Variants in EYS observed in about 807,000 individuals in gnomAD.
EYS encodes EGF-like photoreceptor maintenance factor.
EYS carries 250 observed loss-of-function variants against 282.1 expected under a neutral mutation model. The observed-to-expected ratio is 0.89, with a 90% CI of 0.80 to 0.98. EYS has a LOEUF of 0.98. EYS is among the 50% of genes least tolerant of loss of function. The pLI is 0.00. For synonymous variants in EYS, 1,355 were observed against 1,282.9 expected, an observed-to-expected ratio of 1.06 and a Z score of -1.20; for missense variants, 4,016 against 3,709.0, an observed-to-expected ratio of 1.08 and a Z score of -2.15.
chr6:65,317,051 CTA>C (rs1185460792), intron 11 of EYS, among the ~76,000 whole-genome samples: 15 of 152,122 alleles, frequency 9.9e-5, no homozygotes, highest in Non-Finnish European at 1.9e-4. Context: ...ATATTTATAA[CTA>C]TGATTTCTCT....
intron 11 of EYS, among the ~76,000 whole-genome samples, chr6:65,306,956 C>T (rs1206461667): frequency 1.5e-5 from 2 of 137,150 alleles, no homozygotes; most frequent in African/African-American, 2.7e-5. Flanking sequence ...CCTTTTTAAG[C>T]GTATTTTTAA....
At chr6:64,218,321 A>G (rs1018661306) in intron 31 of EYS, among the ~76,000 whole-genome samples, 8 of 151,900 alleles carry the variant, frequency 5.3e-5, no homozygotes, top group South Asian at 2.1e-4. Flanking sequence ...TCCCTTTGAG[A>G]TTTATTGTAT....
At chr6:65,011,128 G>T (rs1583394888) in intron 13 of EYS, among the ~76,000 whole-genome samples, 1 of 152,170 alleles carries the variant, frequency 6.6e-6, no homozygotes, top group African/African-American at 2.4e-5. Context: ...CCTCAGGATG[G>T]CTAGCCACTG....
At chr6:64,945,124 T>TAAAAA (rs763133866) in intron 15 of EYS, among the ~76,000 whole-genome samples, 2 of 112,284 alleles carry the variant, frequency 1.8e-5, no homozygotes, top group Non-Finnish European at 1.8e-5. Flanking sequence ...GTTTCTCTAT[T>TAAAAA]AAAAAAAAAA....
chr6:65,146,951 G>A (rs1764494431), intron 12 of EYS, among the ~76,000 whole-genome samples: 2 of 151,874 alleles, frequency 1.3e-5, no homozygotes, highest in African/African-American at 2.4e-5. Context: ...ATTATTTCAT[G>A]TGACTCATTG....
intron 24 of EYS, among the ~76,000 whole-genome samples, chr6:64,596,973 T>C (rs1466840196): frequency 6.6e-6 from 1 of 152,064 alleles, no homozygotes; most frequent in Non-Finnish European, 1.5e-5. Flanking sequence ...AACAGGGAAC[T>C]AATATTTAAA....
At chr6:65,511,362 T>A (rs1177435232) in intron 2 of EYS, among the ~76,000 whole-genome samples, 43 of 150,602 alleles carry the variant, frequency 2.9e-4, no homozygotes, top group African/African-American at 7.7e-4. Context: ...TGTGTGTGTG[T>A]GTGTGAGAGA....
At chr6:65,640,095 A>G (rs1401092158) in intron 1 of EYS, among the ~76,000 whole-genome samples, 1 of 152,184 alleles carries the variant, frequency 6.6e-6, no homozygotes, top group Non-Finnish European at 1.5e-5. Context: ...TGGGCAGTAT[A>G]CCTGTAACAA....
intron 12 of EYS, among the ~76,000 whole-genome samples, chr6:65,128,711 A>G (rs1775786000): frequency 6.6e-6 from 1 of 152,054 alleles, no homozygotes; most frequent in Non-Finnish European, 1.5e-5. Flanking sequence ...GATCAAAAGA[A>G]TCAATATTAC....
intron 36 of EYS, among the ~76,000 whole-genome samples, chr6:63,820,067 C>G (rs529250265): frequency 5.9e-5 from 9 of 152,188 alleles, no homozygotes; most frequent in Non-Finnish European, 1.0e-4. Flanking sequence ...CACATACTGT[C>G]AGATTGCATT....
chr6:64,611,576 T>C (rs987870249), intron 24 of EYS, among the ~76,000 whole-genome samples: 8 of 152,168 alleles, frequency 5.3e-5, no homozygotes, highest in Non-Finnish European at 1.0e-4. Flanking sequence ...AAACTGAAAC[T>C]AATTGATTTT....
At chr6:65,162,599 CTATTT>C (rs201145451) in intron 12 of EYS, among the ~76,000 whole-genome samples, 17 of 150,782 alleles carry the variant, frequency 1.1e-4, no homozygotes, top group African/African-American at 2.2e-4. Context: ...CACTTTATGG[CTATTT>C]TATTTTATTT....
At chr6:63,870,636 C>T (rs1247806002) in intron 35 of EYS, among the ~76,000 whole-genome samples, 1 of 152,118 alleles carries the variant, frequency 6.6e-6, no homozygotes, top group African/African-American at 2.4e-5. Context: ...GGTGTTCTTG[C>T]TTCTAAATAT....
intron 2 of EYS, among the ~76,000 whole-genome samples, chr6:65,635,533 C>A (rs1468866400): frequency 6.6e-6 from 1 of 152,014 alleles, no homozygotes; most frequent in Non-Finnish European, 1.5e-5. Flanking sequence ...AGGCTTGTAT[C>A]AAACTCCTGG....
chr6:64,702,879 A>G (rs1770838840), intron 22 of EYS, among the ~76,000 whole-genome samples: 1 of 152,130 alleles, frequency 6.6e-6, no homozygotes, highest in Non-Finnish European at 1.5e-5. Context: ...AGTGTAACAA[A>G]TTCTTAATGG....
At chr6:64,350,661 C>T (rs1260201981) in intron 29 of EYS, among the ~76,000 whole-genome samples, 1 of 151,536 alleles carries the variant, frequency 6.6e-6, no homozygotes, top group South Asian at 2.1e-4. Flanking sequence ...AAGGATTCAG[C>T]GTAAAGCTCT....
intron 35 of EYS, among the ~76,000 whole-genome samples, chr6:63,973,954 T>C (rs1766711296): frequency 7.5e-6 from 1 of 133,396 alleles, no homozygotes; most frequent in African/African-American, 2.8e-5. Flanking sequence ...TACCAGCAAA[T>C]GGGCCAGGAA....
At chr6:65,277,134 C>T (rs564634998) in intron 12 of EYS, among the ~76,000 whole-genome samples, 2 of 152,166 alleles carry the variant, frequency 1.3e-5, no homozygotes, top group South Asian at 4.1e-4. Context: ...GATTGGTGCC[C>T]TTACAAAAGG....
intron 22 of EYS, among the ~76,000 whole-genome samples, chr6:64,670,922 ATAAG>A (rs1554191357): frequency 3.8e-4 from 57 of 150,762 alleles, no homozygotes; most frequent in Non-Finnish European, 2.9e-5. Context: ...ATTCTAAATG[ATAAG>A]TAAAAGTGGA....
Sources: allele counts gnomAD v4.1 joint callset (sites outside exome capture counted in the v4.1 genomes callset), GRCh38; gene constraint gnomAD v4.1.1; transcripts MANE v1.5; gene names NCBI Gene and HGNC (gene_info 2026-07-23, HGNC 2026-07-21).